The following TRIO variants were observed in gnomAD, a reference collection of about 807,000 sequenced individuals.
TRIO encodes the protein trio Rho guanine nucleotide exchange factor, also known as triple functional domain protein.
In TRIO, 58 loss-of-function variants were observed where a neutral mutation model predicts 351.9. The observed-to-expected ratio is 0.16, with a 90% CI of 0.13 to 0.21. TRIO has a LOEUF of 0.21. TRIO is among the 10% of genes least tolerant of loss of function. The pLI, the probability that TRIO is intolerant of heterozygous loss-of-function variation, is 1.00. For synonymous variants in TRIO, 1,758 were observed against 1,595.7 expected, an observed-to-expected ratio of 1.10 and a Z score of -2.42; for missense variants, 3,201 against 4,027.8, an observed-to-expected ratio of 0.79 and a Z score of 5.56.
chr5:14,144,201 G>C (rs1293629351), intron 1 of TRIO, among the ~76,000 whole-genome samples: 1 of 152,214 alleles, frequency 6.6e-6, no homozygotes, highest in East Asian at 1.9e-4. Flanking sequence ...TCGCGGGTTG[G>C]GGCGCCGGCT....
chr5:14,431,649 C>T (rs1010357852), intron 34 of TRIO, among the ~76,000 whole-genome samples: 1 of 152,154 alleles, frequency 6.6e-6, no homozygotes, highest in African/African-American at 2.4e-5. Context: ...TAGATCATTT[C>T]AGTCCTGTAT....
chr5:14,353,500 G>T (rs1013221909), intron 11 of TRIO, among the ~76,000 whole-genome samples: 4 of 152,122 alleles, frequency 2.6e-5, no homozygotes, highest in Admixed American at 1.3e-4. Flanking sequence ...CTGACCTCAG[G>T]TGATCTGCCC....
intron 20 of TRIO, among the ~76,000 whole-genome samples, chr5:14,378,803 G>C (rs1745808039): frequency 6.6e-6 from 1 of 152,088 alleles, no homozygotes; most frequent in South Asian, 2.1e-4. Flanking sequence ...CAGGTGATCT[G>C]CCTACCTTGA....
At chr5:14,332,445 T>TA (rs1740987847) in intron 10 of TRIO, among the ~76,000 whole-genome samples, 1 of 152,228 alleles carries the variant, frequency 6.6e-6, no homozygotes, top group South Asian at 2.1e-4. Flanking sequence ...ACATACAGAA[T>TA]GTCCCCACGT....
chr5:14,316,635 C>T lies in TRIO; in HGVS notation c.1623C>T (p.Ile541=). 6.2e-7 allele frequency: 1 copy of T among 1,614,220 alleles called. No individual in the cohort carries two copies. The highest frequency in any genetic ancestry group is 8.5e-7 in the Non-Finnish European group (1 of 1,180,042). ...SKAVHHVLDV[I]HEVLHHQRQL... ...CCGTGCACCATGTCCTGGATGTCAT[C>T]CACGAGGTGCTGCACCACCAGCGGC... The change falls in exon 9 of 57, where the codon ATC becomes ATT. Residue 541 remains isoleucine, a synonymous_variant. Coordinates refer to ENST00000344204, the MANE Select transcript of TRIO (RefSeq NM_007118.4).
chr5:14,149,454 C>A (rs1787699416), intron 1 of TRIO, among the ~76,000 whole-genome samples: 2 of 152,304 alleles, frequency 1.3e-5, no homozygotes, highest in South Asian at 2.1e-4. Flanking sequence ...ACCTTAATTT[C>A]CTCTTTTCTG....
chr5:14,484,396 A>G (rs1755764985), intron 46 of TRIO, among the ~76,000 whole-genome samples: 1 of 152,220 alleles, frequency 6.6e-6, no homozygotes, highest in Non-Finnish European at 1.5e-5. Context: ...GCATATTTCT[A>G]GTTAATTGTT....
At chr5:14,369,006 C>A in intron 17 of TRIO, 107 bp downstream of exon 17, 2 of 1,355,906 alleles carry the variant, frequency 1.5e-6, no homozygotes, top group Admixed American at 2.2e-5. Flanking sequence ...TTGAAACAAT[C>A]AGTTGCCAGT....
chr5:14,371,141 A>T (rs1032000920), intron 18 of TRIO, among the ~76,000 whole-genome samples: 5 of 152,230 alleles, frequency 3.3e-5, no homozygotes, highest in Admixed American at 6.5e-5. Context: ...GGGTAACTGT[A>T]GGCTTAAATT....
intron 48 of TRIO, among the ~76,000 whole-genome samples, chr5:14,491,697 C>T (rs1756498962): frequency 6.6e-6 from 1 of 152,206 alleles, no homozygotes; most frequent in Non-Finnish European, 1.5e-5. Context: ...CCGAGTCACT[C>T]ACCATATGTT....
intron 34 of TRIO, among the ~76,000 whole-genome samples, chr5:14,436,742 A>C (rs1751620467): frequency 6.6e-6 from 1 of 152,230 alleles, no homozygotes; most frequent in African/African-American, 2.4e-5. Context: ...AGAGCAGTCA[A>C]ATCTTAAAAC....
intron 7 of TRIO, among the ~76,000 whole-genome samples, chr5:14,302,902 G>A (rs575880217): frequency 7.2e-5 from 11 of 152,354 alleles, no homozygotes; most frequent in African/African-American, 2.6e-4. Context: ...TTCCGCACTT[G>A]CCTTTCACTC....
intron 34 of TRIO, among the ~76,000 whole-genome samples, chr5:14,421,431 C>G (rs1024141598): frequency 6.6e-6 from 1 of 151,306 alleles, no homozygotes; most frequent in Non-Finnish European, 1.5e-5. Flanking sequence ...GGTGAAACCC[C>G]GTCTCTACTA....
chr5:14,203,089 C>T (rs1036892923), intron 1 of TRIO, among the ~76,000 whole-genome samples: 3 of 152,140 alleles, frequency 2.0e-5, no homozygotes, highest in Admixed American at 6.5e-5. Flanking sequence ...AGGTTATAGT[C>T]GTAACTTTTT....
chr5:14,487,582 C>A lies in TRIO; in HGVS notation c.6954C>A (p.Ser2318Arg). The change falls in exon 48 of 57, where the codon AGC becomes AGA. Residue 2318 changes from serine to arginine, a missense_variant. Transcript: ENST00000344204. ...SGGGGAPSGG[S>R]GHSGGPSSCG... is the part of the protein sequence containing the mutation. ...GCGGCGGGGCCCCCAGTGGCGGCAGCGGCCACAGTGGCGGCCCCAGCAGCT... is the reference window on the plus strand; with the variant it reads ...GCGGCGGGGCCCCCAGTGGCGGCAGAGGCCACAGTGGCGGCCCCAGCAGCT... The A allele has an allele frequency of 2.6e-6, 3 of 1,140,472 alleles. No homozygotes were observed. The highest frequency in any genetic ancestry group is 3.3e-6 in the Non-Finnish European group (3 of 921,572). 70.6% of individuals were successfully genotyped at this position (1,140,472 alleles called of 1,614,324 possible).
intron 15 of TRIO, among the ~76,000 whole-genome samples, chr5:14,365,409 T>A (rs1744507741): frequency 6.6e-6 from 1 of 152,116 alleles, no homozygotes; most frequent in Admixed American, 6.5e-5. Flanking sequence ...GAAAGTAAGT[T>A]TGGTTGGAGG....
intron 2 of TRIO, among the ~76,000 whole-genome samples, chr5:14,273,803 A>C (rs868422876): frequency 1.4e-4 from 21 of 152,334 alleles, no homozygotes; most frequent in Middle Eastern, 3.4e-3. Flanking sequence ...CTAGGGTTTG[A>C]GCCTTAGAAA....
At position 14,488,060 on chromosome 5, in the gene TRIO, C is replaced by T; in HGVS notation, c.7432C>T (p.Pro2478Ser). ...CAAGGAGCCCTTCCCCCCCAGCAGC[C>T]CCCTGCAGAAGGGGGGCTCCTTCTG... ...LGKEPFPPSS[P>S]LQKGGSFWSS... Residue 2478 changes from proline to serine, a missense_variant, in exon 48 of 57, where the codon CCC becomes TCC. Around this residue, in one of 19 missense-constraint regions of TRIO, gnomAD observed 1,089 missense variants for 954.9 expected, o/e 1.14. Transcript: ENST00000344204. 2 of 1,610,012 alleles carry T rather than the reference C, an allele frequency of 1.2e-6. No homozygotes were observed. Among genetic ancestry groups the T allele is most frequent in the Non-Finnish European group, 1.7e-6 (2 of 1,179,022 alleles).
At chr5:14,249,986 C>T (rs755648023) in intron 1 of TRIO, among the ~76,000 whole-genome samples, 4 of 152,126 alleles carry the variant, frequency 2.6e-5, no homozygotes, top group African/African-American at 4.8e-5. Context: ...ACAGTGTGCT[C>T]GAAAAGGCAC....
Sources: gnomAD v4.1 joint callset for allele counts (sites outside exome capture counted in the v4.1 genomes callset) on GRCh38, gnomAD v4.1.1 for gene constraint, gnomAD v4.1.1 regional missense constraint, MANE v1.5 for transcripts, NCBI Gene and HGNC (gene_info 2026-07-23, HGNC 2026-07-21) for gene names.